Variants in ATAD1 observed in about 807,000 individuals in gnomAD.
ATAD1 encodes ATPase family AAA domain containing 1, also known as outer mitochondrial transmembrane helix translocase.
A neutral mutation model predicts 42.7 loss-of-function variants in ATAD1; 18 were observed. The ratio of observed to expected loss-of-function variants is 0.42; its 90% CI spans 0.29 to 0.63. The LOEUF (loss-of-function observed/expected upper bound fraction) is 0.63, where lower values mean the gene tolerates loss of function less well. ATAD1 is among the 20% of genes least tolerant of loss of function. The pLI is 0.19. For missense variants in ATAD1, 294 were observed against 440.4 expected, an observed-to-expected ratio of 0.67 and a Z score of 2.98; for synonymous variants, 132 against 143.1, an observed-to-expected ratio of 0.92 and a Z score of 0.55.
rs576440998 is a variant in ATAD1, at chr10:87,752,074, C to T, written c.*2613G>A. The T allele has an allele frequency of 6.6e-6, 1 of 152,160 alleles. No homozygotes were observed. The highest frequency in any genetic ancestry group is 1.9e-4 in the East Asian group (1 of 5,172). 9.4% of individuals were successfully genotyped at this position (152,160 alleles called of 1,614,324 possible). A position where few individuals can be genotyped will look rare whatever the true frequency, so the allele number is the denominator to read the frequency against. On this transcript the variant is annotated 3_prime_UTR_variant, in exon 10 of 10. Transcript: ENST00000680024. ...TGCATACAGAATAGAGTACCCCAAC[C>T]CAGCTCTTAATGAATGCTGGGTTTA...
upstream of ATAD1, among the ~76,000 whole-genome samples, chr10:87,820,836 C>G (rs1364887442): frequency 6.6e-6 from 1 of 152,152 alleles, no homozygotes; most frequent in Non-Finnish European, 1.5e-5. Context: ...CAATGAGATT[C>G]TTCCAGAATA....
chr10:87,831,111 A>G (rs1008464683), intron 1 of ATAD1, among the ~76,000 whole-genome samples: 1 of 152,220 alleles, frequency 6.6e-6, no homozygotes, highest in Non-Finnish European at 1.5e-5. Context: ...AAAAAGGGAT[A>G]GTGTCTACAT....
At chr10:87,779,621 AAAC>A (rs1432495230) in intron 5 of ATAD1, among the ~76,000 whole-genome samples, 2 of 149,372 alleles carry the variant, frequency 1.3e-5, no homozygotes, top group East Asian at 1.9e-4. Flanking sequence ...TTAAAAAATC[AAAC>A]AATAAAAAAT....
intron 5 of ATAD1, 98 bp from the exon 6 acceptor site, chr10:87,776,525 A>T (rs564879737): frequency 8.7e-6 from 8 of 918,486 alleles, no homozygotes; most frequent in Non-Finnish European, 1.4e-5. Context: ...CTGGGGTGCA[A>T]TGGCGCAATT....
intron 9 of ATAD1, 92 bp downstream of exon 9, chr10:87,756,697 G>A (rs923371254): frequency 3.4e-5 from 40 of 1,183,776 alleles, no homozygotes; most frequent in East Asian, 2.5e-4. Flanking sequence ...TTTCATAAGC[G>A]GTGTTTCTAA....
intron 2 of ATAD1, among the ~76,000 whole-genome samples, chr10:87,798,778 T>G (rs564887173): frequency 6.6e-6 from 1 of 152,276 alleles, no homozygotes; most frequent in African/African-American, 2.4e-5. Flanking sequence ...TTTGGCTATC[T>G]GATTTTCACC....
At chr10:87,812,099 G>A (rs897593731) in intron 2 of ATAD1, among the ~76,000 whole-genome samples, 1 of 151,898 alleles carries the variant, frequency 6.6e-6, no homozygotes, top group African/African-American at 2.4e-5. Context: ...CTAAGTCTTT[G>A]CCAGGACTGT....
At chr10:87,778,926 A>G (rs1317895323) in intron 5 of ATAD1, among the ~76,000 whole-genome samples, 1 of 152,234 alleles carries the variant, frequency 6.6e-6, no homozygotes, top group East Asian at 1.9e-4. Flanking sequence ...CTTCTAGGAA[A>G]TAATATAGAA....
chr10:87,833,714 CT>C (rs1857877352), intron 1 of ATAD1, among the ~76,000 whole-genome samples: 1 of 131,864 alleles, frequency 7.6e-6, no homozygotes, highest in Admixed American at 8.3e-5. Context: ...TTCTCTCTCT[CT>C]TTCTTTCTTT....
chr10:87,834,781 T>C (rs967476596), intron 1 of ATAD1, among the ~76,000 whole-genome samples: 2 of 151,982 alleles, frequency 1.3e-5, no homozygotes, highest in African/African-American at 4.8e-5. Context: ...TCCTAGCTTT[T>C]AAAAATTTTC....
chr10:87,775,292 A>C (rs543013159), intron 6 of ATAD1, among the ~76,000 whole-genome samples: 147 of 151,326 alleles, frequency 9.7e-4, no homozygotes, highest in African/African-American at 3.3e-3. Flanking sequence ...ATGGTAGTGC[A>C]CGTCTGTAAC....
intron 2 of ATAD1, among the ~76,000 whole-genome samples, chr10:87,799,962 G>C (rs1476118263): frequency 6.6e-6 from 1 of 151,452 alleles, no homozygotes; most frequent in Non-Finnish European, 1.5e-5. Context: ...GAAATAATGA[G>C]AAAGACTCTT....
chr10:87,798,777 C>A (rs542972945), intron 2 of ATAD1, among the ~76,000 whole-genome samples: 2 of 152,092 alleles, frequency 1.3e-5, no homozygotes, highest in African/African-American at 4.8e-5. Context: ...ATTTGGCTAT[C>A]TGATTTTCAC....
chr10:87,784,472 A>G lies in ATAD1; in HGVS notation c.581T>C (p.Ile194Thr), dbSNP rs749821314. The G allele has an allele frequency of 6.2e-7, 1 of 1,612,356 alleles. No homozygotes were observed. The highest frequency in any genetic ancestry group is 8.5e-7 in the Non-Finnish European group (1 of 1,178,892). ...LQPSIIFIDE[I>T]DSFLRNRSSS... ...CTCATATAGAAAACATAGCATACCT[A>G]TTTCATCTATAAAGATGATGGATGG... The change falls in exon 5 of 10, where the codon ATA (isoleucine) becomes ACA (threonine). Residue 194 changes from isoleucine (I) to threonine (T), a missense_variant and splice_region_variant. Physicochemically the swap from Ile to Thr is moderately conservative, Grantham distance 89 (BLOSUM62 -1). This residue lies in a region of ATAD1 where 31 missense variants were observed against 78.6 expected (regional missense o/e 0.39). Transcript: ENST00000680024.
In ATAD1 at chr10:87,796,162, G is replaced by C. The variant is rs889075820; in HGVS notation, c.163-3407C>G. The stretch of plus-strand genomic sequence containing the variant: ...AAACAGTGATCCTCTTTTAGGGTTA[G>C]TGTACTTATACCTCTTTCCTCTCAT... On this transcript the variant is annotated intron_variant, in intron 2 of 9. Coordinates refer to ENST00000680024, the MANE Select transcript of ATAD1 (RefSeq NM_001321967.2). 7.9e-5 allele frequency among the ~76,000 whole-genome samples: 12 copies of C among 152,270 alleles called. No homozygotes were observed. The South Asian group carries it at 1.0e-3, about 13-fold the overall frequency.
chr10:87,830,833 T>C (rs773907150), intron 1 of ATAD1, among the ~76,000 whole-genome samples: 1 of 152,168 alleles, frequency 6.6e-6, no homozygotes, highest in Non-Finnish European at 1.5e-5. Context: ...TCTTTTTTCT[T>C]GAGAAAGACA....
At chr10:87,779,221 C>T (rs2131855013) in intron 5 of ATAD1, among the ~76,000 whole-genome samples, 1 of 152,278 alleles carries the variant, frequency 6.6e-6, no homozygotes. Context: ...TCACTTGAAT[C>T]CAGGAGACAG....
intron 8 of ATAD1, among the ~76,000 whole-genome samples, chr10:87,764,081 G>A (rs887741476): frequency 4.0e-5 from 6 of 151,858 alleles, no homozygotes; most frequent in African/African-American, 9.7e-5. Flanking sequence ...ATAAAGACAC[G>A]AAAGACCAAG....
intron 1 of ATAD1, among the ~76,000 whole-genome samples, chr10:87,835,329 A>G (rs779997834): frequency 2.0e-5 from 3 of 152,066 alleles, no homozygotes; most frequent in Non-Finnish European, 4.4e-5. Context: ...AGGAGTATTG[A>G]TGTTTCCAAA....
Sources: gnomAD v4.1 joint callset for allele counts (sites outside exome capture counted in the v4.1 genomes callset) on GRCh38, gnomAD v4.1.1 for gene constraint, gnomAD v4.1.1 regional missense constraint, MANE v1.5 for transcripts, NCBI Gene and HGNC (gene_info 2026-07-23, HGNC 2026-07-21) for gene names.